TAFA4: variants seen among roughly 807,000 people sequenced by gnomAD.
The protein encoded by TAFA4 is TAFA chemokine like family member 4.
Under a neutral mutation model 21.1 loss-of-function variants are expected in TAFA4, and 20 were observed. The ratio of observed to expected loss-of-function variants is 0.95; its 90% CI spans 0.67 to 1.38. The LOEUF is 1.38. Ranked by LOEUF, TAFA4 falls within the 40% of genes most tolerant of loss-of-function variation. The pLI, the probability that TAFA4 is intolerant of heterozygous loss-of-function variation, is 0.00. For synonymous variants in TAFA4, 71 were observed against 67.4 expected (o/e 1.05, Z -0.26); for missense variants, 211 against 180.9 (o/e 1.17, Z -0.95).
intron 1 of TAFA4, among the ~76,000 whole-genome samples, chr3:68,913,264 G>C (rs1336113979): frequency 6.7e-6 from 1 of 149,880 alleles, no homozygotes; most frequent in Non-Finnish European, 1.5e-5. Context: ...CTTTTACAGA[G>C]GATACCTGAA....
intron 3 of TAFA4, among the ~76,000 whole-genome samples, chr3:68,814,752 A>G (rs532077680): frequency 5.3e-5 from 8 of 152,324 alleles, no homozygotes; most frequent in Non-Finnish European, 1.0e-4. Context: ...GGTAATTTAT[A>G]GATTCAACGC....
At chr3:68,733,274 T>C (rs1702184095) in intron 5 of TAFA4, 121 bp from the exon 6 acceptor site, 2 of 1,250,870 alleles carry the variant, frequency 1.6e-6, no homozygotes, top group Non-Finnish European at 2.2e-6. Flanking sequence ...CATTTACCTA[T>C]AACCGACCTC....
intron 4 of TAFA4, among the ~76,000 whole-genome samples, chr3:68,741,679 C>G (rs1292011899): frequency 2.6e-5 from 4 of 151,958 alleles, no homozygotes; most frequent in Non-Finnish European, 4.4e-5. Flanking sequence ...TAGTCCCAAG[C>G]TACTTAGGAG....
chr3:68,820,650 A>C (rs1036602160), intron 3 of TAFA4, among the ~76,000 whole-genome samples: 4 of 152,240 alleles, frequency 2.6e-5, no homozygotes, highest in African/African-American at 7.2e-5. Context: ...TGGGCAGCAG[A>C]ACAAGACCCT....
At chr3:68,931,599 A>G (rs2090158405) in intron 1 of TAFA4, among the ~76,000 whole-genome samples, 1 of 152,172 alleles carries the variant, frequency 6.6e-6, no homozygotes, top group Non-Finnish European at 1.5e-5. Flanking sequence ...AAATGTAGAG[A>G]TGCCACCTTG....
chr3:68,802,983 A>C (rs1703607918), intron 3 of TAFA4, among the ~76,000 whole-genome samples: 1 of 152,210 alleles, frequency 6.6e-6, no homozygotes, highest in Non-Finnish European at 1.5e-5. Context: ...TGTACAATCC[A>C]AGAGAGAACT....
chr3:68,772,414 G>C (rs1217996787), intron 3 of TAFA4, among the ~76,000 whole-genome samples: 1 of 152,144 alleles, frequency 6.6e-6, no homozygotes, highest in South Asian at 2.1e-4. Flanking sequence ...AGGTGGGTGA[G>C]TGCCATCCAA....
intron 4 of TAFA4, among the ~76,000 whole-genome samples, chr3:68,748,733 G>T (rs1322361447): frequency 6.9e-6 from 1 of 144,318 alleles, no homozygotes; most frequent in Non-Finnish European, 1.5e-5. Flanking sequence ...GAAAAAGCGA[G>T]ACTCCGTCTC....
intron 1 of TAFA4, among the ~76,000 whole-genome samples, chr3:68,888,363 C>G (rs988547077): frequency 1.3e-5 from 2 of 152,022 alleles, no homozygotes; most frequent in African/African-American, 2.4e-5. Context: ...TCTAAGAAGT[C>G]TCAGACTTTC....
At chr3:68,805,772 A>C (rs1387581220) in intron 3 of TAFA4, among the ~76,000 whole-genome samples, 1 of 150,960 alleles carries the variant, frequency 6.6e-6, no homozygotes, top group Non-Finnish European at 1.5e-5. Flanking sequence ...ACATGGACAC[A>C]GGAAGGGGAA....
At chr3:68,871,636 T>C (rs1318254736) in intron 3 of TAFA4, among the ~76,000 whole-genome samples, 1 of 152,036 alleles carries the variant, frequency 6.6e-6, no homozygotes, top group Non-Finnish European at 1.5e-5. Context: ...CCAAAAATAT[T>C]TGCAAACTAT....
chr3:68,818,503 C>A (rs762183083), intron 3 of TAFA4, among the ~76,000 whole-genome samples: 1 of 152,176 alleles, frequency 6.6e-6, no homozygotes, highest in Non-Finnish European at 1.5e-5. Context: ...CATATCCCAG[C>A]GTATTTCAAA....
rs760856756 is a variant in TAFA4, at chr3:68,752,856, GT to G, written c.286+6del. ...AATACCAGAGATGCTGACCAGAGAG[GT>G]CTTACCTTCAACACAAGAAGGTTGA... On this transcript the variant is annotated splice_donor_region_variant and intron_variant, in intron 4 of 5. Transcript: ENST00000295569. 2.0e-4 allele frequency: 327 copies of G among 1,613,914 alleles called. No homozygotes were observed. The highest frequency in any genetic ancestry group is 2.5e-4 in the Non-Finnish European group (297 of 1,180,000).
At chr3:68,771,109 TC>T (rs1702948907) in intron 3 of TAFA4, among the ~76,000 whole-genome samples, 1 of 151,776 alleles carries the variant, frequency 6.6e-6, no homozygotes, top group Non-Finnish European at 1.5e-5. Context: ...TCTCACTCCA[TC>T]CCCCTTCTGA....
chr3:68,751,020 C>T (rs765289076), intron 4 of TAFA4, among the ~76,000 whole-genome samples: 9 of 152,102 alleles, frequency 5.9e-5, no homozygotes, highest in Non-Finnish European at 8.8e-5. Context: ...CAGGGTGTTG[C>T]AAGAACTTAC....
chr3:68,733,314 C>T (rs193301154), intron 5 of TAFA4, among the ~76,000 whole-genome samples, 161 bp from the exon 6 acceptor site: 4 of 152,086 alleles, frequency 2.6e-5, no homozygotes, highest in African/African-American at 9.6e-5. Context: ...TTCTGCTTTG[C>T]AGCCTAAAAG....
chr3:68,758,394 G>C (rs1252081280), intron 3 of TAFA4, among the ~76,000 whole-genome samples: 2 of 152,200 alleles, frequency 1.3e-5, no homozygotes, highest in Non-Finnish European at 2.9e-5. Flanking sequence ...ATGGGCACAT[G>C]TCTTTCCCAT....
At chr3:68,778,152 C>T (rs1458857902) in intron 3 of TAFA4, among the ~76,000 whole-genome samples, 1 of 151,992 alleles carries the variant, frequency 6.6e-6, no homozygotes, top group Non-Finnish European at 1.5e-5. Context: ...CTATAAGAAA[C>T]CCACTTTAAC....
intron 1 of TAFA4, among the ~76,000 whole-genome samples, chr3:68,886,769 T>G (rs190078305): frequency 2.6e-4 from 40 of 152,354 alleles, no homozygotes; most frequent in African/African-American, 9.4e-4. Flanking sequence ...CTCTTTCTTG[T>G]CATGTCTTAG....
Sources: gnomAD v4.1 joint callset for allele counts (sites outside exome capture counted in the v4.1 genomes callset) on GRCh38, gnomAD v4.1.1 for gene constraint, MANE v1.5 for transcripts, NCBI Gene and HGNC (gene_info 2026-07-23, HGNC 2026-07-21) for gene names.